Variants in ELAVL4 observed in about 807,000 individuals in gnomAD.
The protein encoded by ELAVL4 is ELAV-like protein 4.
In ELAVL4, 1 loss-of-function variant was observed where a neutral mutation model predicts 35.6. The observed-to-expected ratio is 0.03, with a 90% CI of 0.01 to 0.13. ELAVL4 has a LOEUF of 0.13. Among genes scored for constraint, ELAVL4 ranks in the 10% least tolerant of loss-of-function variants. ELAVL4 has a pLI of 1.00. For missense variants in ELAVL4, 267 were observed against 464.9 expected, an observed-to-expected ratio of 0.57 and a Z score of 3.91; for synonymous variants, 156 against 171.0, an observed-to-expected ratio of 0.91 and a Z score of 0.69.
chr1:50,055,285 GTTTTGT>G lies in ELAVL4; in HGVS notation c.18+7130_18+7135del, dbSNP rs570949851. Among the ~76,000 whole-genome samples the G allele has an allele frequency of 6.4e-3, 951 of 149,416 alleles. 7 individuals carry two copies. The highest frequency in any genetic ancestry group is 9.0e-3 in the Non-Finnish European group (600 of 66,982). On this transcript the variant is annotated intron_variant, in intron 1 of 6. Transcript: ENST00000448907. The stretch of plus-strand genomic sequence containing the variant: ...GATCAATTTGTTTTGTTTTTTTTTT[GTTTTGT>G]TTTTGTTTTTGTTTTTGTTTTTGTT...
chr1:50,071,376 T>G (rs1173274132), intron 1 of ELAVL4, among the ~76,000 whole-genome samples: 1 of 152,246 alleles, frequency 6.6e-6, no homozygotes, highest in Admixed American at 6.5e-5. Context: ...CCACAAGGAA[T>G]GTTTAGACTT....
intron 1 of ELAVL4, among the ~76,000 whole-genome samples, chr1:50,060,684 G>C (rs1375765116): frequency 6.6e-6 from 1 of 152,172 alleles, no homozygotes; most frequent in South Asian, 2.1e-4. Flanking sequence ...CTTTCCCACT[G>C]TCACCTGCCA....
chr1:50,147,503 G>A (rs1443907372), intron 2 of ELAVL4, among the ~76,000 whole-genome samples: 1 of 152,150 alleles, frequency 6.6e-6, no homozygotes, highest in Non-Finnish European at 1.5e-5. Flanking sequence ...GTGGGGAAAT[G>A]GGGAAGGAGT....
At chr1:50,099,293 G>T (rs573438715), upstream of ELAVL4, among the ~76,000 whole-genome samples, 7 of 152,270 alleles carry the variant, frequency 4.6e-5, no homozygotes, top group South Asian at 1.5e-3. Flanking sequence ...GGGTGCGGTG[G>T]CTCACGCCTG....
chr1:50,156,171 C>G (rs943267895), intron 2 of ELAVL4, among the ~76,000 whole-genome samples: 1 of 152,224 alleles, frequency 6.6e-6, no homozygotes. Context: ...AGAATTGAGA[C>G]AGACTTCACT....
At chr1:50,113,653 G>A (rs542653590) in intron 1 of ELAVL4, among the ~76,000 whole-genome samples, 26 of 152,170 alleles carry the variant, frequency 1.7e-4, no homozygotes, top group African/African-American at 5.1e-4. Context: ...GGCTAGGAAG[G>A]GACATGAACA....
intron 2 of ELAVL4, among the ~76,000 whole-genome samples, chr1:50,160,566 A>C (rs1236610432): frequency 6.6e-6 from 1 of 152,188 alleles, no homozygotes; most frequent in South Asian, 2.1e-4. Flanking sequence ...AGAGGTGTCC[A>C]TTTCTGCATT....
chr1:50,079,773 AGTT>A (rs572834712), intron 1 of ELAVL4, among the ~76,000 whole-genome samples: 2 of 152,334 alleles, frequency 1.3e-5, no homozygotes, highest in South Asian at 4.1e-4. Flanking sequence ...TTAAGGTTTT[AGTT>A]GTTGTTAATG....
chr1:50,106,291 G>C (rs771336553), upstream of ELAVL4: 6 of 1,611,006 alleles, frequency 3.7e-6, no homozygotes, highest in Non-Finnish European at 5.1e-6. Flanking sequence ...TGAGATATCT[G>C]CAACCTTTGG....
chr1:50,182,751 AAAGC>A (rs1256141145), intron 3 of ELAVL4, among the ~76,000 whole-genome samples: 1 of 152,194 alleles, frequency 6.6e-6, no homozygotes, highest in Non-Finnish European at 1.5e-5. Flanking sequence ...ACTCATTTTT[AAAGC>A]AAAACATGCT....
Position 50,109,015 on chromosome 1 carries a change from T to TCGGGCC in ELAVL4, c.-174_-173insGGGCCC. 1.0e-6 allele frequency: 1 copy of TCGGGCC among 961,074 alleles called. No homozygotes were observed. 59.5% of individuals were successfully genotyped at this position (961,074 alleles called of 1,614,324 possible). ...GCTCCTTTTCTTTTTTTTCTTTCTC[T>TCGGGCC]CCCCCGCCCACCCCCCCAAAAATAA... On this transcript the variant is annotated 5_prime_UTR_variant, in exon 1 of 7. Coordinates refer to ENST00000371824, the MANE Select transcript of ELAVL4 (RefSeq NM_001144774.3).
chr1:50,080,827 G>A (rs1240300827), intron 1 of ELAVL4, among the ~76,000 whole-genome samples: 1 of 152,138 alleles, frequency 6.6e-6, no homozygotes, highest in Admixed American at 6.6e-5. Flanking sequence ...GCTGCAGGAT[G>A]GAAGGAAATA....
intron 1 of ELAVL4, among the ~76,000 whole-genome samples, chr1:50,120,044 C>T (rs898189038): frequency 2.1e-5 from 3 of 144,948 alleles, no homozygotes; most frequent in African/African-American, 5.2e-5. Context: ...TCAAATTTTT[C>T]GTTGGAGAAT....
chr1:50,136,202 G>A (rs1671859570), intron 1 of ELAVL4, among the ~76,000 whole-genome samples: 2 of 151,850 alleles, frequency 1.3e-5, no homozygotes. Context: ...GAGAAGTGAG[G>A]AATTTTACAA....
chr1:50,179,722 C>G (rs1680713329), intron 3 of ELAVL4: 1 of 152,180 alleles, frequency 6.6e-6, no homozygotes, highest in Non-Finnish European at 1.5e-5. Context: ...GAACTTTGGT[C>G]AAATTTCCCC....
chr1:50,048,207 C>T (rs913746925), intron 1 of ELAVL4: 6 of 1,508,526 alleles, frequency 4.0e-6, no homozygotes, highest in African/African-American at 1.4e-5. Context: ...GCGCAGGCCC[C>T]GCACCCCCGA....
At position 50,109,017 on chromosome 1, in the gene ELAVL4, C is replaced by CGGGGGGGGGGG; in HGVS notation, c.-173_-172insGGGGGGGGGGG. The CGGGGGGGGGGG allele has an allele frequency of 1.9e-6, 1 of 539,706 alleles. No individual in the cohort carries two copies. The highest frequency in any genetic ancestry group is 2.3e-6 in the Non-Finnish European group (1 of 431,812). The allele number at this position is 539,706 out of a possible 1,614,324, so 33.4% of individuals were successfully genotyped here. A position where few individuals can be genotyped will look rare whatever the true frequency, so the allele number is the denominator to read the frequency against. The stretch of plus-strand genomic sequence containing the variant: ...TCCTTTTCTTTTTTTTCTTTCTCTC[C>CGGGGGGGGGGG]CCCGCCCACCCCCCCAAAAATAATT... On this transcript the variant is annotated 5_prime_UTR_variant, in exon 1 of 7. Coordinates refer to ENST00000371824, the MANE Select transcript of ELAVL4 (RefSeq NM_001144774.3).
chr1:50,150,236 A>G (rs1321067720), intron 2 of ELAVL4, among the ~76,000 whole-genome samples: 1 of 152,234 alleles, frequency 6.6e-6, no homozygotes, highest in African/African-American at 2.4e-5. Context: ...ATGGACAAAG[A>G]CAACATTTCC....
At chr1:50,105,301 C>T (rs1557704757), upstream of ELAVL4, among the ~76,000 whole-genome samples, 4 of 152,092 alleles carry the variant, frequency 2.6e-5, no homozygotes, top group Non-Finnish European at 5.9e-5. Context: ...AGGTTTTTGG[C>T]CTTCCCCATT....
Sources: gnomAD v4.1 joint callset for allele counts (sites outside exome capture counted in the v4.1 genomes callset) on GRCh38, gnomAD v4.1.1 for gene constraint, MANE v1.5 for transcripts, NCBI Gene and HGNC (gene_info 2026-07-23, HGNC 2026-07-21) for gene names.